The following CRIM1 variants were observed in gnomAD, a reference collection of about 807,000 sequenced individuals.
The protein encoded by CRIM1 is cysteine-rich motor neuron 1 protein.
CRIM1 carries 32 observed loss-of-function variants against 116.4 expected under a neutral mutation model. The ratio of observed to expected loss-of-function variants is 0.27; its 90% CI spans 0.21 to 0.37. CRIM1 has a LOEUF of 0.37. Ranked by LOEUF, CRIM1 falls within the 10% of genes least tolerant of loss-of-function variation. The pLI, the probability that CRIM1 is intolerant of heterozygous loss-of-function variation, is 1.00. For synonymous variants in CRIM1, 590 were observed against 509.2 expected (o/e 1.16, Z -2.13); for missense variants, 1,331 against 1,354.8 (o/e 0.98, Z 0.28).
chr2:36,394,811 GA>G (rs1338901065), intron 1 of CRIM1, among the ~76,000 whole-genome samples: 1 of 152,012 alleles, frequency 6.6e-6, no homozygotes, highest in African/African-American at 2.4e-5. Flanking sequence ...TCTAAAACAA[GA>G]GATTTTCTAT....
intron 2 of CRIM1, among the ~76,000 whole-genome samples, chr2:36,417,256 C>G (rs930162167): frequency 5.3e-5 from 8 of 152,156 alleles, no homozygotes; most frequent in African/African-American, 1.9e-4. Context: ...ACTGTCTCGC[C>G]CACCATACCT....
intron 1 of CRIM1, among the ~76,000 whole-genome samples, chr2:36,389,079 A>G (rs1671385547): frequency 6.6e-6 from 1 of 152,238 alleles, no homozygotes; most frequent in Non-Finnish European, 1.5e-5. Context: ...ACTCTGGTTT[A>G]TAGTTACATA....
At chr2:36,391,424 G>A (rs917625313) in intron 1 of CRIM1, among the ~76,000 whole-genome samples, 8 of 152,068 alleles carry the variant, frequency 5.3e-5, no homozygotes, top group South Asian at 2.1e-4. Context: ...CACCGCGCCC[G>A]GCCCACTTTT....
intron 5 of CRIM1, among the ~76,000 whole-genome samples, chr2:36,473,362 T>A (rs1356431731): frequency 6.6e-6 from 1 of 152,164 alleles, no homozygotes; most frequent in Admixed American, 6.5e-5. Context: ...TTTTTAAAAA[T>A]AGCTTTAGGA....
intron 8 of CRIM1, among the ~76,000 whole-genome samples, chr2:36,508,652 A>G (rs190423183): frequency 7.0e-4 from 106 of 152,346 alleles, no homozygotes; most frequent in African/African-American, 1.2e-3. Flanking sequence ...TTCAAATTCT[A>G]TATTTAATTC....
intron 1 of CRIM1, among the ~76,000 whole-genome samples, chr2:36,369,726 T>C (rs1669825014): frequency 6.6e-6 from 1 of 152,168 alleles, no homozygotes; most frequent in South Asian, 2.1e-4. Flanking sequence ...CTGTACAAGA[T>C]TGTGGTAGAT....
At chr2:36,434,321 A>G (rs1675123743) in intron 2 of CRIM1, among the ~76,000 whole-genome samples, 1 of 152,256 alleles carries the variant, frequency 6.6e-6, no homozygotes, top group African/African-American at 2.4e-5. Flanking sequence ...GAACCTCTTT[A>G]TCTTTGCAAA....
At chr2:36,427,789 T>C (rs887662004) in intron 2 of CRIM1, among the ~76,000 whole-genome samples, 2 of 152,210 alleles carry the variant, frequency 1.3e-5, no homozygotes, top group Non-Finnish European at 2.9e-5. Context: ...ACCCTTGGTG[T>C]ACAGACAGAT....
At chr2:36,412,719 CTT>C (rs1207893913) in intron 2 of CRIM1, among the ~76,000 whole-genome samples, 1 of 152,046 alleles carries the variant, frequency 6.6e-6, no homozygotes, top group Admixed American at 6.6e-5. Flanking sequence ...TTTTATACAT[CTT>C]AAATTTATAT....
intron 15 of CRIM1, among the ~76,000 whole-genome samples, chr2:36,546,524 C>CTT (rs1667344541): frequency 6.6e-6 from 1 of 152,086 alleles, no homozygotes; most frequent in African/African-American, 2.4e-5. Flanking sequence ...TCTAATTAGT[C>CTT]TTAGCTATTA....
chr2:36,361,553 AGAAT>A (rs772823981), intron 1 of CRIM1, among the ~76,000 whole-genome samples: 4 of 152,196 alleles, frequency 2.6e-5, no homozygotes, highest in Non-Finnish European at 4.4e-5. Flanking sequence ...GGTGGACTAA[AGAAT>A]GACGAATGGG....
At chr2:36,495,528 A>T (rs1457533567) in intron 7 of CRIM1, among the ~76,000 whole-genome samples, 1 of 140,406 alleles carries the variant, frequency 7.1e-6, no homozygotes, top group African/African-American at 2.6e-5. Flanking sequence ...AGATACTATG[A>T]TTCTAGATTC....
Position 36,517,328 on chromosome 2 carries a change from T to A in CRIM1, c.1992T>A (p.Asp664Glu). ...TTCTGATTTTGTGTCATTTCCCAGA[T>A]GACTTTGTGGTGCAGAAGCCAGAGC... ...HPGQCCPSCA[D>E]DFVVQKPELS... is the part of the protein sequence containing the mutation. Residue 664 changes from aspartate to glutamate, a missense_variant and splice_region_variant, in exon 12 of 17, where the codon GAT becomes GAA. Asp to Glu is a conservative substitution (Grantham distance 45, BLOSUM62 2). Transcript: ENST00000280527. 1 of 1,613,242 alleles carries A rather than the reference T, an allele frequency of 6.2e-7. No individual in the cohort carries two copies. The highest frequency in any genetic ancestry group is 8.5e-7 in the Non-Finnish European group (1 of 1,179,146).
intron 1 of CRIM1, among the ~76,000 whole-genome samples, chr2:36,384,536 C>T (rs532747575): frequency 6.6e-6 from 1 of 152,286 alleles, no homozygotes; most frequent in South Asian, 2.1e-4. Flanking sequence ...GTTTTTCAAA[C>T]ATGTTCTTAA....
At chr2:36,408,745 T>C (rs1334582814) in intron 2 of CRIM1, among the ~76,000 whole-genome samples, 1 of 152,056 alleles carries the variant, frequency 6.6e-6, no homozygotes, top group African/African-American at 2.4e-5. Context: ...TCTGGGATTT[T>C]GGACAACTCA....
At chr2:36,517,286 T>C in intron 11 of CRIM1, 41 bp from the exon 12 acceptor site, 3 of 1,528,774 alleles carry the variant, frequency 2.0e-6, no homozygotes, top group Non-Finnish European at 2.7e-6. Context: ...TTGGAAAGAT[T>C]GCAGATGAAT....
intron 4 of CRIM1, among the ~76,000 whole-genome samples, chr2:36,459,685 T>A (rs1677429433): frequency 6.6e-6 from 1 of 152,088 alleles, no homozygotes; most frequent in African/African-American, 2.4e-5. Flanking sequence ...TGTGGGGAAT[T>A]CACCAGGGGC....
chr2:36,507,575 G>T (rs558393348), intron 8 of CRIM1, among the ~76,000 whole-genome samples: 2 of 152,320 alleles, frequency 1.3e-5, no homozygotes, highest in East Asian at 3.9e-4. Context: ...AGCATAACAT[G>T]CAGGAGAATG....
At chr2:36,501,101 C>T (rs1312094081) in intron 8 of CRIM1, among the ~76,000 whole-genome samples, 2 of 152,140 alleles carry the variant, frequency 1.3e-5, no homozygotes, top group African/African-American at 4.8e-5. Context: ...TTTGAATTGA[C>T]ATTTGGCCTA....
Sources: allele counts gnomAD v4.1 joint callset (sites outside exome capture counted in the v4.1 genomes callset), GRCh38; gene constraint gnomAD v4.1.1; transcripts MANE v1.5; gene names NCBI Gene and HGNC (gene_info 2026-07-23, HGNC 2026-07-21).